Variants in CREB1 observed in about 807,000 individuals in gnomAD.
CREB1 encodes cyclic AMP-responsive element-binding protein 1.
Under a neutral mutation model 42.0 loss-of-function variants are expected in CREB1, and 2 were observed. The ratio of observed to expected loss-of-function variants is 0.05; its 90% CI spans 0.02 to 0.15. The LOEUF (loss-of-function observed/expected upper bound fraction) is 0.15. Among genes scored for constraint, CREB1 ranks in the 10% least tolerant of loss-of-function variants. The pLI is 1.00. For missense variants in CREB1, 199 were observed against 388.9 expected, an observed-to-expected ratio of 0.51 and a Z score of 4.11; for synonymous variants, 123 against 139.9, an observed-to-expected ratio of 0.88 and a Z score of 0.85.
chr2:207,596,258 T>G (rs1319769570), intron 7 of CREB1, among the ~76,000 whole-genome samples: 1 of 152,198 alleles, frequency 6.6e-6, no homozygotes, highest in Non-Finnish European at 1.5e-5. Context: ...AATGATTAGT[T>G]TGTAAGATTT....
At chr2:207,590,329 G>A (rs1400506846) in intron 7 of CREB1, among the ~76,000 whole-genome samples, 2 of 151,056 alleles carry the variant, frequency 1.3e-5, no homozygotes, top group South Asian at 2.1e-4. Flanking sequence ...CTCTGTATTC[G>A]CCACCCCTAC....
intron 7 of CREB1, among the ~76,000 whole-genome samples, chr2:207,588,889 CG>C (rs34628133): frequency 7.0e-5 from 10 of 142,366 alleles, no homozygotes; most frequent in Admixed American, 2.9e-4. Context: ...GGAGCTTTGT[CG>C]GGGGGGGTGT....
chr2:207,533,398 G>C (rs2080734847), intron 1 of CREB1, among the ~76,000 whole-genome samples: 1 of 151,946 alleles, frequency 6.6e-6, no homozygotes, highest in Admixed American at 6.6e-5. Context: ...TGTTTGTTTG[G>C]ATACAGTATG....
intron 5 of CREB1, 112 bp from the exon 6 acceptor site, chr2:207,575,160 A>G: frequency 9.0e-7 from 1 of 1,113,962 alleles, no homozygotes; most frequent in Non-Finnish European, 1.3e-6. Context: ...TGGTGATGTT[A>G]TTTGCTGTAA....
rs758045223 is a variant in CREB1, at chr2:207,604,007, A to T, written c.*6949A>T. On this transcript the variant is annotated 3_prime_UTR_variant, in exon 8 of 8. Coordinates refer to ENST00000353267, the MANE Select transcript of CREB1 (RefSeq NM_004379.5). ...TGTATTGGAAGGCTTAATGAATTTC[A>T]TTTATTTTCTGCAACAACGATTACA... Among the ~76,000 whole-genome samples the T allele has an allele frequency of 2.6e-5, 4 of 152,196 alleles. No homozygotes were observed. The highest frequency in any genetic ancestry group is 9.6e-5 in the African/African-American group (4 of 41,460).
rs1385402005 is a variant in CREB1 at position 207,603,164 on chromosome 2, ATTTT to A, written c.*6110_*6113del. Reference sequence around the variant, plus strand: ...ACATTCTAGAAACATCCCTGTTTTAATTTTTTTATCTAAATCTTTTTGTGCTTTA... The same window carrying A: ...ACATTCTAGAAACATCCCTGTTTTAATTTATCTAAATCTTTTTGTGCTTTA... On this transcript the variant is annotated 3_prime_UTR_variant, in exon 8 of 8. Coordinates refer to ENST00000353267, the MANE Select transcript of CREB1 (RefSeq NM_004379.5). 6 of 211,676 alleles carry A rather than the reference ATTTT, an allele frequency of 2.8e-5. No homozygotes were observed. The East Asian group carries it at 2.9e-4, about 10-fold the overall frequency. The allele number at this position is 211,676 out of a possible 1,614,324, so 13.1% of individuals were successfully genotyped here. A position where few individuals can be genotyped will look rare whatever the true frequency, so the allele number is the denominator to read the frequency against.
intron 1 of CREB1, among the ~76,000 whole-genome samples, chr2:207,530,709 C>T (rs1420971250): frequency 6.6e-6 from 1 of 151,816 alleles, no homozygotes. Context: ...GTGAAGGTGC[C>T]TGCTGCCTTC....
chr2:207,596,898 C>T lies in CREB1; in HGVS notation c.840-16C>T, dbSNP rs2086287119. The T allele has an allele frequency of 2.0e-6, 3 of 1,505,348 alleles. No individual in the cohort carries two copies. Among genetic ancestry groups the T allele is most frequent in the Admixed American group, 2.0e-5 (1 of 51,136 alleles). The allele number at this position is 1,505,348 out of a possible 1,614,324, so 93.2% of individuals were successfully genotyped here. A position where few individuals can be genotyped will look rare whatever the true frequency, so the allele number is the denominator to read the frequency against. ...AAATCATTTGCATAATTTTTCCCGT[C>T]CTCTTTTGCTTGTAGGGAAGCAGCT... On this transcript the variant is annotated splice_polypyrimidine_tract_variant and intron_variant, in intron 7 of 7. Coordinates refer to ENST00000353267, the MANE Select transcript of CREB1 (RefSeq NM_004379.5).
chr2:207,589,610 A>G (rs1030100313), intron 7 of CREB1, among the ~76,000 whole-genome samples: 1 of 152,314 alleles, frequency 6.6e-6, no homozygotes, highest in Non-Finnish European at 1.5e-5. Flanking sequence ...AAAGCTCTTC[A>G]TTACATTTTT....
At chr2:207,590,094 T>TC (rs2084709629) in intron 7 of CREB1, among the ~76,000 whole-genome samples, 1 of 141,552 alleles carries the variant, frequency 7.1e-6, no homozygotes, top group South Asian at 2.4e-4. Context: ...TTTTTTTTTT[T>TC]TTTTTTTTTT....
chr2:207,570,905 G>T (rs977911498), intron 5 of CREB1, among the ~76,000 whole-genome samples: 1 of 151,346 alleles, frequency 6.6e-6, no homozygotes, highest in Admixed American at 6.6e-5. Flanking sequence ...TGATGTCTCT[G>T]TCTGGCACTT....
At chr2:207,578,944 C>T (rs1047730583) in intron 7 of CREB1, among the ~76,000 whole-genome samples, 2 of 152,108 alleles carry the variant, frequency 1.3e-5, no homozygotes, top group South Asian at 4.1e-4. Flanking sequence ...GTGCCCACCA[C>T]CACGCCTGGC....
rs2086594160 is a variant in CREB1, at chr2:207,598,803, G to C, written c.*1745G>C. 1 of 170,528 alleles carries C rather than the reference G, an allele frequency of 5.9e-6. No homozygotes were observed. Among genetic ancestry groups the C allele is most frequent in the East Asian group, 1.1e-4 (1 of 8,976 alleles). 10.6% of individuals were successfully genotyped at this position (170,528 alleles called of 1,614,324 possible). On this transcript the variant is annotated 3_prime_UTR_variant, in exon 8 of 8. Transcript: ENST00000353267. ...CAGAGGGTTGCAGTGAGCCGAGATA[G>C]CACCATTGCACTCCAGCCTGGGCGA...
rs2087877393 is a variant in CREB1, at chr2:207,605,137, G to A, written c.*8079G>A. Among the ~76,000 whole-genome samples the A allele has an allele frequency of 6.6e-6, 1 of 152,104 alleles. No individual in the cohort carries two copies. Among genetic ancestry groups the A allele is most frequent in the African/African-American group, 2.4e-5 (1 of 41,412 alleles). ...GAAATCGCACATTTAACTTTTTGAG[G>A]AACTGTCAAACTTTCCCTCAGCAGC... On this transcript the variant is annotated 3_prime_UTR_variant, in exon 8 of 8. Coordinates refer to ENST00000353267, the MANE Select transcript of CREB1 (RefSeq NM_004379.5).
At chr2:207,588,293 G>A (rs911176285) in intron 7 of CREB1, among the ~76,000 whole-genome samples, 3 of 152,096 alleles carry the variant, frequency 2.0e-5, no homozygotes, top group African/African-American at 7.2e-5. Flanking sequence ...TTGTTGAAAA[G>A]ACTATTCTTT....
intron 1 of CREB1, among the ~76,000 whole-genome samples, chr2:207,546,323 G>A (rs571574065): frequency 1.3e-5 from 2 of 152,248 alleles, no homozygotes; most frequent in South Asian, 2.1e-4. Context: ...TATCAAAACC[G>A]TACATAAAGC....
chr2:207,581,789 C>A (rs1307259031), intron 7 of CREB1: 3 of 685,710 alleles, frequency 4.4e-6, no homozygotes, highest in Non-Finnish European at 7.9e-6. Flanking sequence ...AGTTTTTTTA[C>A]TTACATAATC....
intron 3 of CREB1, among the ~76,000 whole-genome samples, chr2:207,560,908 T>C (rs1391546963): frequency 6.6e-6 from 1 of 152,206 alleles, no homozygotes; most frequent in Non-Finnish European, 1.5e-5. Flanking sequence ...ACTATGCATG[T>C]TATCTAATTC....
chr2:207,539,075 C>CT (rs1305396593), intron 1 of CREB1, among the ~76,000 whole-genome samples: 1 of 146,446 alleles, frequency 6.8e-6, no homozygotes, highest in Non-Finnish European at 1.5e-5. Context: ...GAATCTCGCT[C>CT]TGTCTCCCAG....
Sources: allele counts gnomAD v4.1 joint callset (sites outside exome capture counted in the v4.1 genomes callset), GRCh38; gene constraint gnomAD v4.1.1; transcripts MANE v1.5; gene names NCBI Gene and HGNC (gene_info 2026-07-23, HGNC 2026-07-21).